Variants in GALNT17 observed in about 807,000 individuals in gnomAD.
GALNT17 encodes the protein polypeptide N-acetylgalactosaminyltransferase 17, also known as UDP-GalNAc:polypeptide N-acetylgalactosaminyltransferase-like 3.
GALNT17 carries 29 observed loss-of-function variants against 63.7 expected under a neutral mutation model. The ratio of observed to expected loss-of-function variants is 0.46; its 90% CI spans 0.34 to 0.62. The LOEUF is 0.62. Among genes scored for constraint, GALNT17 ranks in the 20% least tolerant of loss-of-function variants. The pLI is 0.01. For synonymous variants in GALNT17, 305 were observed against 318.3 expected, an observed-to-expected ratio of 0.96 and a Z score of 0.45; for missense variants, 603 against 799.6, an observed-to-expected ratio of 0.75 and a Z score of 2.97.
At chr7:71,246,879 G>A (rs544951334) in intron 1 of GALNT17, among the ~76,000 whole-genome samples, 55 of 147,838 alleles carry the variant, frequency 3.7e-4, no homozygotes, top group Non-Finnish European at 7.4e-4. Flanking sequence ...GCTTGCATCT[G>A]TCTGAAATAA....
At chr7:71,196,253 T>G (rs1004030556) in intron 1 of GALNT17, among the ~76,000 whole-genome samples, 2 of 152,050 alleles carry the variant, frequency 1.3e-5, no homozygotes, top group African/African-American at 4.8e-5. Flanking sequence ...TTCCCCTGCC[T>G]CAGCCTCTCA....
intron 6 of GALNT17, among the ~76,000 whole-genome samples, chr7:71,578,725 CTT>C (rs1789579684): frequency 6.6e-6 from 1 of 152,198 alleles, no homozygotes; most frequent in African/African-American, 2.4e-5. Context: ...CCACAGGTCT[CTT>C]TGCCCTGTCT....
intron 1 of GALNT17, among the ~76,000 whole-genome samples, chr7:71,189,410 T>G (rs1788909949): frequency 6.6e-6 from 1 of 152,168 alleles, no homozygotes. Context: ...CGGGGGTCCT[T>G]CAGTCAGAAC....
chr7:71,614,310 T>C (rs368021060), intron 6 of GALNT17, among the ~76,000 whole-genome samples: 35 of 151,302 alleles, frequency 2.3e-4, no homozygotes, highest in Admixed American at 1.9e-3. Flanking sequence ...AAAGAAATGC[T>C]CTTTGGAACA....
At chr7:71,615,570 G>GA in intron 6 of GALNT17, among the ~76,000 whole-genome samples, 1 of 148,676 alleles carries the variant, frequency 6.7e-6, no homozygotes, top group Non-Finnish European at 1.5e-5. Context: ...TCTGCCTCCT[G>GA]GGCTCAAAGG....
chr7:71,649,614 C>CACACACACAA (rs769688354), intron 6 of GALNT17, among the ~76,000 whole-genome samples: 1 of 72,714 alleles, frequency 1.4e-5, no homozygotes, highest in Non-Finnish European at 2.9e-5. Flanking sequence ...CAGGATTAAA[C>CACACACACAA]ACACACACAC....
At chr7:71,245,890 C>T (rs1297349458) in intron 1 of GALNT17, among the ~76,000 whole-genome samples, 3 of 144,334 alleles carry the variant, frequency 2.1e-5, no homozygotes, top group Non-Finnish European at 4.6e-5. Flanking sequence ...CACTCCTACC[C>T]TGTATAAGTG....
chr7:71,472,712 A>G (rs559306805), intron 5 of GALNT17, among the ~76,000 whole-genome samples: 4 of 152,276 alleles, frequency 2.6e-5, no homozygotes, highest in South Asian at 2.1e-4. Flanking sequence ...AAACTAAACT[A>G]AAATAAATAA....
rs371872050 is a variant in GALNT17 at position 71,591,783 on chromosome 7, C to T, written c.1080+20381C>T. ...ATTCCAGCGATTCTCCTGCCTCAGC[C>T]TCCTGGGTAGCTGGGATTACAGGCG... On this transcript the variant is annotated intron_variant, in intron 6 of 10. Transcript: ENST00000333538. Among the ~76,000 whole-genome samples the T allele has an allele frequency of 3.7e-4, 56 of 152,194 alleles. No homozygotes were observed. In the East Asian group the frequency reaches 5.1e-3, roughly 14 times the overall value.
At chr7:71,156,952 TTTTG>T (rs1259428914) in intron 1 of GALNT17, among the ~76,000 whole-genome samples, 1 of 151,612 alleles carries the variant, frequency 6.6e-6, no homozygotes, top group African/African-American at 2.4e-5. Flanking sequence ...TATGTATTTA[TTTTG>T]TTTATTTATT....
intron 5 of GALNT17, among the ~76,000 whole-genome samples, chr7:71,425,118 G>A (rs1786734425): frequency 1.3e-5 from 2 of 152,298 alleles, no homozygotes; most frequent in South Asian, 2.1e-4. Flanking sequence ...GAGGGCAAAG[G>A]CCGATTGTAA....
At chr7:71,475,472 A>G (rs1053146984) in intron 5 of GALNT17, among the ~76,000 whole-genome samples, 2 of 152,102 alleles carry the variant, frequency 1.3e-5, no homozygotes, top group Non-Finnish European at 2.9e-5. Context: ...ACAGTTCACA[A>G]TAGGGTTTCT....
At chr7:71,421,731 C>G (rs1407031242) in intron 5 of GALNT17, among the ~76,000 whole-genome samples, 7 of 152,118 alleles carry the variant, frequency 4.6e-5, no homozygotes, top group African/African-American at 1.4e-4. Flanking sequence ...GGGTGGATCA[C>G]TTGAAGTCAG....
At chr7:71,239,299 C>A (rs1055319235) in intron 1 of GALNT17, among the ~76,000 whole-genome samples, 3 of 119,060 alleles carry the variant, frequency 2.5e-5, no homozygotes, top group African/African-American at 3.8e-5. Context: ...GTCTGTACCC[C>A]CCCCCAAAAA....
intron 1 of GALNT17, among the ~76,000 whole-genome samples, chr7:71,200,346 G>C (rs1417452291): frequency 6.6e-6 from 1 of 152,152 alleles, no homozygotes; most frequent in Non-Finnish European, 1.5e-5. Flanking sequence ...TCAACCATTA[G>C]AGAGCACCCA....
At chr7:71,314,615 T>C (rs1016197747) in intron 1 of GALNT17, among the ~76,000 whole-genome samples, 2 of 152,240 alleles carry the variant, frequency 1.3e-5, no homozygotes, top group African/African-American at 4.8e-5. Flanking sequence ...TTTTCCATTG[T>C]TTTGTTGAGA....
chr7:71,421,886 G>A (rs1192134471), intron 5 of GALNT17, among the ~76,000 whole-genome samples: 1 of 151,256 alleles, frequency 6.6e-6, no homozygotes, highest in Non-Finnish European at 1.5e-5. Flanking sequence ...GGAGGTGGAG[G>A]TTGCAGTGAG....
chr7:71,292,666 AGAGTGTGTGT>A (rs1455465065), intron 1 of GALNT17, among the ~76,000 whole-genome samples: 5,312 of 116,890 alleles, frequency 0.045, 106 homozygotes, highest in African/African-American at 0.073. Flanking sequence ...AGAGAGAGAG[AGAGTGTGTGT>A]GTGTGTGTGT....
At chr7:71,620,252 T>G (rs538130047) in intron 6 of GALNT17, among the ~76,000 whole-genome samples, 1 of 152,208 alleles carries the variant, frequency 6.6e-6, no homozygotes, top group Non-Finnish European at 1.5e-5. Flanking sequence ...GAAGTTTTCC[T>G]TCTTGTTGCA....
Sources: allele counts gnomAD v4.1 joint callset (sites outside exome capture counted in the v4.1 genomes callset), GRCh38; gene constraint gnomAD v4.1.1; transcripts MANE v1.5; gene names NCBI Gene and HGNC (gene_info 2026-07-23, HGNC 2026-07-21).